The following MALSU1 variants were observed in gnomAD, a reference collection of about 807,000 sequenced individuals.
MALSU1 encodes the protein mitochondrial assembly of ribosomal large subunit protein 1.
A neutral mutation model predicts 22.1 loss-of-function variants in MALSU1; 22 were observed. That is an observed-to-expected ratio of 1.00 (90% CI 0.71 to 1.42). The LOEUF (loss-of-function observed/expected upper bound fraction) is 1.42. Ranked by LOEUF, MALSU1 falls within the 40% of genes most tolerant of loss-of-function variation. The probability of loss-of-function intolerance (pLI) is 0.00; values close to 1 mark genes in which losing one functional copy is unlikely to be tolerated. For missense variants in MALSU1, 379 were observed against 308.3 expected, an observed-to-expected ratio of 1.23 and a Z score of -1.72; for synonymous variants, 153 against 118.5, an observed-to-expected ratio of 1.29 and a Z score of -1.89.
chr7:23,303,017 C>A (rs994562613), intron 2 of MALSU1, among the ~76,000 whole-genome samples: 1 of 152,166 alleles, frequency 6.6e-6, no homozygotes, highest in Non-Finnish European at 1.5e-5. Flanking sequence ...CCACCTCGGC[C>A]TCCCAAAGTG....
Position 23,310,927 on chromosome 7 carries a change from G to C in MALSU1, c.*1384G>C, listed in dbSNP as rs572738581. Reference sequence around the variant, plus strand: ...CCACCCACACCCAACACAATTGTACGTACTGGGCTTTGCTGTCAAGGAGTG... The same window carrying C: ...CCACCCACACCCAACACAATTGTACCTACTGGGCTTTGCTGTCAAGGAGTG... On this transcript the variant is annotated 3_prime_UTR_variant, in exon 4 of 4. Coordinates refer to ENST00000466681, the MANE Select transcript of MALSU1 (RefSeq NM_138446.2). 6.6e-6 allele frequency: 1 copy of C among 152,104 alleles called. No homozygotes were observed. Among genetic ancestry groups the C allele is most frequent in the Non-Finnish European group, 1.5e-5 (1 of 68,010 alleles). The allele number at this position is 152,104 out of a possible 1,614,324, so 9.4% of individuals were successfully genotyped here. A position where few individuals can be genotyped will look rare whatever the true frequency, so the allele number is the denominator to read the frequency against.
intron 3 of MALSU1, among the ~76,000 whole-genome samples, chr7:23,308,956 GA>G (rs1783763217): frequency 6.6e-6 from 1 of 152,172 alleles, no homozygotes; most frequent in Non-Finnish European, 1.5e-5. Flanking sequence ...CTTTGCCCTG[GA>G]GGGAGGCAGT....
chr7:23,309,350 T>TGACA lies in MALSU1; in HGVS notation c.518-4_518-1dup, dbSNP rs1474591573. Reference sequence around the variant, plus strand: ...CTTCATTGTATCTCTTATCTGTCCCTGACAGGCAGCATGGTGATTCATTTG... The same window carrying TGACA: ...CTTCATTGTATCTCTTATCTGTCCCTGACAGACAGGCAGCATGGTGATTCATTTG... On this transcript the variant is annotated splice_region_variant and splice_polypyrimidine_tract_variant and intron_variant, in intron 3 of 3. Coordinates refer to ENST00000466681, the MANE Select transcript of MALSU1 (RefSeq NM_138446.2). The TGACA allele has an allele frequency of 6.2e-7, 1 of 1,606,956 alleles. No homozygotes were observed. Among genetic ancestry groups the TGACA allele is most frequent in the South Asian group, 1.1e-5 (1 of 89,776 alleles).
intron 2 of MALSU1, among the ~76,000 whole-genome samples, chr7:23,304,652 T>C (rs1417040178): frequency 2.0e-5 from 3 of 151,994 alleles, no homozygotes; most frequent in African/African-American, 4.8e-5. Context: ...GGAGTAGGAG[T>C]AGTCAAATTC....
At position 23,299,547 on chromosome 7, in the gene MALSU1, T is replaced by TG. The variant is rs1296541610; in HGVS notation, c.198dup (p.Leu67AlafsTer27). 1 of 1,611,798 alleles carries TG rather than the reference T, an allele frequency of 6.2e-7. No individual in the cohort carries two copies. Among genetic ancestry groups the TG allele is most frequent in the East Asian group, 2.2e-5 (1 of 44,792 alleles). On this transcript the variant is annotated frameshift_variant, in exon 1 of 4. Coordinates refer to ENST00000466681, the MANE Select transcript of MALSU1 (RefSeq NM_138446.2). LOFTEE classifies it high-confidence loss of function. ...TTGTCCGCGGCCTGCACAGCGAGCCTGGGCTGGAGGAGCGGGCGGAGGGGA... is the reference window on the plus strand; with the variant it reads ...TTGTCCGCGGCCTGCACAGCGAGCCTGGGGCTGGAGGAGCGGGCGGAGGGGA...
In MALSU1 at chr7:23,307,967, A is replaced by G. The variant is rs774236288; in HGVS notation, c.517+18A>G. On this transcript the variant is annotated intron_variant, in intron 3 of 3. Transcript: ENST00000466681. ...GGATTTTGGTAAGTTATTCTGGCGT[A>G]TTTTACAGGTAACTGTTGGTACTAC... 1.3e-6 allele frequency: 2 copies of G among 1,563,282 alleles called. No individual in the cohort carries two copies. Among genetic ancestry groups the G allele is most frequent in the East Asian group, 2.2e-5 (1 of 44,652 alleles).
chr7:23,303,921 A>T (rs1242927038), intron 2 of MALSU1, among the ~76,000 whole-genome samples: 1 of 151,960 alleles, frequency 6.6e-6, no homozygotes, highest in African/African-American at 2.4e-5. Context: ...GCCTGGCCAA[A>T]ATGGTGAAAC....
Position 23,311,201 on chromosome 7 carries a change from C to A in MALSU1, c.*1658C>A, listed in dbSNP as rs1445479974. ...CAGTGCTGGCCCCATGGAAATGTAG[C>A]CTTTTGTTGCGTTTAAACACTGTCA... On this transcript the variant is annotated 3_prime_UTR_variant, in exon 4 of 4. Coordinates refer to ENST00000466681, the MANE Select transcript of MALSU1 (RefSeq NM_138446.2). 1 of 152,196 alleles carries A rather than the reference C, an allele frequency of 6.6e-6. No individual in the cohort carries two copies. The highest frequency in any genetic ancestry group is 1.5e-5 in the Non-Finnish European group (1 of 68,000). The allele number at this position is 152,196 out of a possible 1,614,324, so 9.4% of individuals were successfully genotyped here.
chr7:23,302,455 A>G (rs930948544), intron 2 of MALSU1, among the ~76,000 whole-genome samples: 6 of 152,218 alleles, frequency 3.9e-5, no homozygotes, highest in African/African-American at 1.2e-4. Context: ...CCTATACACA[A>G]AACCCTGGTA....
Position 23,299,440 on chromosome 7 carries a change from G to C in MALSU1, c.88G>C (p.Ala30Pro), listed in dbSNP as rs374799777. 5.0e-4 allele frequency: 808 copies of C among 1,605,328 alleles called. No homozygotes were observed. The highest frequency in any genetic ancestry group is 6.6e-4 in the Non-Finnish European group (778 of 1,178,876). The change falls in exon 1 of 4, where the codon GCC becomes CCC. Residue 30 changes from alanine (A) to proline (P), a missense_variant. By Grantham distance (27) the Ala-to-Pro change is conservative. Transcript: ENST00000466681. Reference protein sequence around the residue: ...VSSVAGSAVGAEPGLRLLAVQ... With the variant: ...VSSVAGSAVGPEPGLRLLAVQ... ...CTCGGTGGCGGGGTCCGCGGTTGGA[G>C]CCGAGCCCGGGCTTCGGCTGCTGGC... is the stretch of plus-strand genomic sequence containing the variant.
At chr7:23,299,662 G>T in intron 1 of MALSU1, 54 bp downstream of exon 1, 1 of 1,518,758 alleles carries the variant, frequency 6.6e-7, no homozygotes, top group Admixed American at 2.1e-5. Flanking sequence ...CTGGAGTCAG[G>T]TCCCAGCCAA....
intron 2 of MALSU1, among the ~76,000 whole-genome samples, chr7:23,306,296 G>A (rs148977072): frequency 6.6e-5 from 10 of 152,218 alleles, no homozygotes; most frequent in Admixed American, 1.3e-4. Flanking sequence ...ATAGAAATAC[G>A]ATGGATTTTT....
At position 23,308,041 on chromosome 7, in the gene MALSU1, T is replaced by C; in HGVS notation, c.517+92T>C. The stretch of plus-strand genomic sequence containing the variant: ...TGCAAAAGGATTGAGATCAAATTGA[T>C]GAATGTATTTCCAGGTAAGATTTTT... On this transcript the variant is annotated intron_variant, in intron 3 of 3. Transcript: ENST00000466681. 5 of 983,908 alleles carry C rather than the reference T, an allele frequency of 5.1e-6. No individual in the cohort carries two copies. The Admixed American group carries it at 9.3e-5, about 18-fold the overall frequency. The allele number at this position is 983,908 out of a possible 1,614,324, so 60.9% of individuals were successfully genotyped here.
rs1447381375 is a variant in MALSU1, at chr7:23,309,529, T to G, written c.691T>G (p.Leu231Val). 2.5e-6 allele frequency: 4 copies of G among 1,596,610 alleles called. No individual in the cohort carries two copies. The highest frequency in any genetic ancestry group is 3.6e-5 in the Admixed American group (2 of 55,232). The change falls in exon 4 of 4, where the codon TTA (leucine) becomes GTA (valine). Residue 231 changes from leucine (L) to valine (V), a missense_variant. Transcript: ENST00000466681. ...TACTTCATCTGTGACTCCAGTGGAG[T>G]TAAAATGTGAATAAAATATTTTATG... ...DDTSSVTPVE[L>V]KCE
At chr7:23,305,317 C>T (rs1255609743) in intron 2 of MALSU1, among the ~76,000 whole-genome samples, 1 of 151,842 alleles carries the variant, frequency 6.6e-6, no homozygotes, top group African/African-American at 2.4e-5. Flanking sequence ...GTTTTGAAAT[C>T]AAGAAATATG....
chr7:23,304,901 A>T (rs1213780711), intron 2 of MALSU1, among the ~76,000 whole-genome samples: 1 of 152,120 alleles, frequency 6.6e-6, no homozygotes, highest in Non-Finnish European at 1.5e-5. Flanking sequence ...TACTCTTTAG[A>T]GTGTCCTTTG....
intron 1 of MALSU1, among the ~76,000 whole-genome samples, chr7:23,300,274 A>G (rs1225973643): frequency 6.6e-6 from 1 of 152,124 alleles, no homozygotes; most frequent in African/African-American, 2.4e-5. Context: ...TTATATGAAA[A>G]CTGGAAGGTT....
At chr7:23,300,523 G>A (rs1783627733) in intron 1 of MALSU1, among the ~76,000 whole-genome samples, 1 of 152,176 alleles carries the variant, frequency 6.6e-6, no homozygotes, top group African/African-American at 2.4e-5. Context: ...GCATTTCTGT[G>A]ATTGTGGTGT....
At position 23,299,527 on chromosome 7, in the gene MALSU1, C is replaced by T. The variant is rs372893999; in HGVS notation, c.175C>T (p.Arg59Cys). The T allele has an allele frequency of 1.9e-6, 3 of 1,612,690 alleles. No individual in the cohort carries two copies. Among genetic ancestry groups the T allele is most frequent in the African/African-American group, 2.7e-5 (2 of 75,036 alleles). The change falls in exon 1 of 4, where the codon CGC becomes TGC. Residue 59 changes from arginine (R) to cysteine (C), a missense_variant. Coordinates refer to ENST00000466681, the MANE Select transcript of MALSU1 (RefSeq NM_138446.2). ...CRACQTPNFVRGLHSEPGLEE... is the reference protein window; with the variant it reads ...CRACQTPNFVCGLHSEPGLEE... ...GGCTTGCCAGACCCCAAACTTTGTC[C>T]GCGGCCTGCACAGCGAGCCTGGGCT... is the stretch of plus-strand genomic sequence containing the variant.
Sources: allele counts gnomAD v4.1 joint callset (sites outside exome capture counted in the v4.1 genomes callset), GRCh38; gene constraint gnomAD v4.1.1; transcripts MANE v1.5; gene names NCBI Gene and HGNC (gene_info 2026-07-23, HGNC 2026-07-21).